FBXW2: variants seen among roughly 807,000 people sequenced by gnomAD.
FBXW2 encodes the protein F-box and WD repeat domain containing 2.
Under a neutral mutation model 46.0 loss-of-function variants are expected in FBXW2, and 12 were observed. That is an observed-to-expected ratio of 0.26 (90% CI 0.17 to 0.42). FBXW2 has a LOEUF of 0.42. Ranked by LOEUF, FBXW2 falls within the 10% of genes least tolerant of loss-of-function variation. The pLI is 1.00. For missense variants in FBXW2, 360 were observed against 537.0 expected, an observed-to-expected ratio of 0.67 and a Z score of 3.26; for synonymous variants, 203 against 209.6, an observed-to-expected ratio of 0.97 and a Z score of 0.27.
At position 120,758,802 on chromosome 9, in the gene FBXW2, G is replaced by C. The variant is rs1350633265; in HGVS notation, c.*5757C>G. The C allele has an allele frequency of 2.6e-5, 4 of 152,182 alleles. No homozygotes were observed. The highest frequency in any genetic ancestry group is 4.4e-5 in the Non-Finnish European group (3 of 68,024). 9.4% of individuals were successfully genotyped at this position (152,182 alleles called of 1,614,324 possible). ...ACTCAAATGACAAGAAGCCCCGTAA[G>C]TTTAAGTTAGTAAGAAAGAACTCAT... On this transcript the variant is annotated 3_prime_UTR_variant, in exon 8 of 8. Transcript: ENST00000608872.
chr9:120,780,724 A>G (rs572056223), intron 3 of FBXW2, among the ~76,000 whole-genome samples: 7 of 152,318 alleles, frequency 4.6e-5, no homozygotes, highest in Admixed American at 4.6e-4. Flanking sequence ...TCATTCATTC[A>G]ACATATATTT....
At chr9:120,787,643 GA>G (rs1458702656) in intron 3 of FBXW2, 125 bp downstream of exon 3, 49 of 989,704 alleles carry the variant, frequency 5.0e-5, no homozygotes, top group Middle Eastern at 2.8e-4. Context: ...CAGGATTAGA[GA>G]AAAAAAGTCA....
Position 120,778,566 on chromosome 9 carries a change from G to T in FBXW2, c.491-21C>A, listed in dbSNP as rs1390628696. ...TGACCCTTCAAGAGAAAAACAGGGAGGTTAATAAGAAAACAAACACACTAA... is the reference window on the plus strand; with the variant it reads ...TGACCCTTCAAGAGAAAAACAGGGATGTTAATAAGAAAACAAACACACTAA... On this transcript the variant is annotated intron_variant, in intron 3 of 7. Coordinates refer to ENST00000608872, the MANE Select transcript of FBXW2 (RefSeq NM_012164.4). 3.1e-6 allele frequency: 5 copies of T among 1,601,590 alleles called. No individual in the cohort carries two copies. In the African/African-American group the frequency reaches 6.7e-5, roughly 21 times the overall value.
intron 4 of FBXW2, among the ~76,000 whole-genome samples, chr9:120,777,365 G>A (rs1425370151): frequency 1.3e-5 from 2 of 152,188 alleles, no homozygotes; most frequent in East Asian, 1.9e-4. Flanking sequence ...TTAGCCTAAC[G>A]GCTAGTTTTA....
chr9:120,784,665 A>G lies in FBXW2; in HGVS notation c.490+3104T>C, dbSNP rs141112583. Among the ~76,000 whole-genome samples the G allele has an allele frequency of 1.5e-4, 23 of 152,012 alleles. No individual in the cohort carries two copies. The East Asian group carries it at 4.5e-3, about 29-fold the overall frequency. Reference sequence around the variant, plus strand: ...CTGGGTGCAGTGCCTCACACCTGTAATCCCAGCACTTTGGGAGGCCGAGGC... The same window carrying G: ...CTGGGTGCAGTGCCTCACACCTGTAGTCCCAGCACTTTGGGAGGCCGAGGC... On this transcript the variant is annotated intron_variant, in intron 3 of 7. Transcript: ENST00000608872.
At chr9:120,769,990 TG>T (rs1245426265) in intron 7 of FBXW2, among the ~76,000 whole-genome samples, 1 of 151,814 alleles carries the variant, frequency 6.6e-6, no homozygotes, top group Non-Finnish European at 1.5e-5. Context: ...TAAATGGGGT[TG>T]TAACTTTGTG....
rs17281564 is a variant in FBXW2, at chr9:120,764,453, A to G, written c.*106T>C. On this transcript the variant is annotated 3_prime_UTR_variant, in exon 8 of 8. Transcript: ENST00000608872. The stretch of plus-strand genomic sequence containing the variant: ...AAATGATTGTGCACTGCGTGATGAT[A>G]CCATTAGGTGAGAACTTTGGTTCAT... The G allele has an allele frequency of 8.8e-6, 11 of 1,252,452 alleles. No individual in the cohort carries two copies. The highest frequency in any genetic ancestry group is 1.2e-5 in the Non-Finnish European group (11 of 887,100). The allele number at this position is 1,252,452 out of a possible 1,614,324, so 77.6% of individuals were successfully genotyped here. A position where few individuals can be genotyped will look rare whatever the true frequency, so the allele number is the denominator to read the frequency against.
intron 2 of FBXW2, among the ~76,000 whole-genome samples, chr9:120,791,012 G>T (rs2044828541): frequency 6.6e-6 from 1 of 152,142 alleles, no homozygotes; most frequent in Admixed American, 6.5e-5. Flanking sequence ...AGATTGAGCA[G>T]TTCACCTCTG....
chr9:120,764,396 C>A lies in FBXW2; in HGVS notation c.*163G>T. ...TGTCAATAAAACAAGCCCTCCCCCA[C>A]CCCGAGCCCTGGCCCCTGGCAAAAC... On this transcript the variant is annotated 3_prime_UTR_variant, in exon 8 of 8. Transcript: ENST00000608872. The A allele has an allele frequency of 1.4e-6, 1 of 724,918 alleles. No individual in the cohort carries two copies. Among genetic ancestry groups the A allele is most frequent in the Non-Finnish European group, 2.3e-6 (1 of 444,154 alleles). The allele number at this position is 724,918 out of a possible 1,614,324, so 44.9% of individuals were successfully genotyped here. A position where few individuals can be genotyped will look rare whatever the true frequency, so the allele number is the denominator to read the frequency against.
intron 3 of FBXW2, among the ~76,000 whole-genome samples, chr9:120,784,070 T>C (rs1029989351): frequency 1.3e-5 from 2 of 152,166 alleles, no homozygotes; most frequent in Admixed American, 1.3e-4. Flanking sequence ...AACTAATACT[T>C]TGGATCATTT....
intron 3 of FBXW2, among the ~76,000 whole-genome samples, chr9:120,781,033 T>C (rs1410775174): frequency 1.4e-5 from 2 of 146,584 alleles, no homozygotes; most frequent in African/African-American, 2.5e-5. Flanking sequence ...AAGAATATCA[T>C]GGCAAAAAAA....
At chr9:120,781,288 C>A (rs180709648) in intron 3 of FBXW2, among the ~76,000 whole-genome samples, 1 of 151,968 alleles carries the variant, frequency 6.6e-6, no homozygotes, top group Non-Finnish European at 1.5e-5. Context: ...ATATGCAACA[C>A]AAAAATTATT....
chr9:120,774,532 ATTC>A (rs1406486265), intron 5 of FBXW2, among the ~76,000 whole-genome samples: 6 of 151,998 alleles, frequency 3.9e-5, no homozygotes, highest in Admixed American at 1.3e-4. Flanking sequence ...ACAACAAATG[ATTC>A]TTCTTTGTTT....
At chr9:120,766,496 C>T (rs2044277777) in intron 7 of FBXW2, among the ~76,000 whole-genome samples, 1 of 152,236 alleles carries the variant, frequency 6.6e-6, no homozygotes. Context: ...GATGGAGTCT[C>T]GCTCTGTCAC....
Position 120,759,846 on chromosome 9 carries a change from T to G in FBXW2, c.*4713A>C, listed in dbSNP as rs1489440829. 6.6e-6 allele frequency: 1 copy of G among 152,206 alleles called. No homozygotes were observed. Among genetic ancestry groups the G allele is most frequent in the Non-Finnish European group, 1.5e-5 (1 of 68,034 alleles). 9.4% of individuals were successfully genotyped at this position (152,206 alleles called of 1,614,324 possible). On this transcript the variant is annotated 3_prime_UTR_variant, in exon 8 of 8. Transcript: ENST00000608872. ...CTGTTCCAGGAAAGACAAGAAACACTGAAACATCCTAACAGCAAAACAGCT... is the reference window on the plus strand; with the variant it reads ...CTGTTCCAGGAAAGACAAGAAACACGGAAACATCCTAACAGCAAAACAGCT...
chr9:120,780,151 AAAAAG>A (rs994162655), intron 3 of FBXW2, among the ~76,000 whole-genome samples: 16 of 151,752 alleles, frequency 1.1e-4, no homozygotes, highest in South Asian at 4.2e-4. Context: ...AAAAAAAAAA[AAAAAG>A]AAATGTTAGC....
Position 120,758,456 on chromosome 9 carries a change from A to T in FBXW2, c.*6103T>A, listed in dbSNP as rs973327277. On this transcript the variant is annotated 3_prime_UTR_variant, in exon 8 of 8. Coordinates refer to ENST00000608872, the MANE Select transcript of FBXW2 (RefSeq NM_012164.4). ...TTACCAAGATTGAACAAGAGCAAGT[A>T]AGTGCTCAAAGAAGTGGTTGGGGAG... 2 of 152,294 alleles carry T rather than the reference A, an allele frequency of 1.3e-5. No individual in the cohort carries two copies. Among genetic ancestry groups the T allele is most frequent in the African/African-American group, 4.8e-5 (2 of 41,454 alleles). The allele number at this position is 152,294 out of a possible 1,614,324, so 9.4% of individuals were successfully genotyped here.
intron 2 of FBXW2, among the ~76,000 whole-genome samples, chr9:120,789,988 C>T (rs1160540891): frequency 6.6e-6 from 1 of 152,136 alleles, no homozygotes; most frequent in African/African-American, 2.4e-5. Context: ...AATCAGATGG[C>T]TAAAAGTTTT....
intron 6 of FBXW2, 93 bp from the exon 7 acceptor site, chr9:120,771,610 A>T (rs544483545): frequency 1.2e-4 from 139 of 1,129,548 alleles, no homozygotes; most frequent in Non-Finnish European, 1.7e-4. Flanking sequence ...AGTCAGATAG[A>T]AAGTGAAGTA....
Sources: allele counts gnomAD v4.1 joint callset (sites outside exome capture counted in the v4.1 genomes callset), GRCh38; gene constraint gnomAD v4.1.1; transcripts MANE v1.5; gene names NCBI Gene and HGNC (gene_info 2026-07-23, HGNC 2026-07-21).